Variants in ZNF331 observed in about 807,000 individuals in gnomAD.
ZNF331 encodes the protein C2H2-like zinc finger protein rearranged in thyroid adenomas.
A neutral mutation model predicts 7.0 loss-of-function variants in ZNF331; 2 were observed. The ratio of observed to expected loss-of-function variants is 0.29; its 90% CI spans 0.12 to 0.90. ZNF331 has a LOEUF of 0.90. Among genes scored for constraint, ZNF331 ranks in the 40% least tolerant of loss-of-function variants. ZNF331 has a pLI of 0.58. For synonymous variants in ZNF331, 196 were observed against 205.4 expected (o/e 0.95, Z 0.39); for missense variants, 432 against 587.7 (o/e 0.74, Z 2.74).
chr19:53,544,643 T>A (rs2088468921), intron 2 of ZNF331, among the ~76,000 whole-genome samples: 1 of 152,194 alleles, frequency 6.6e-6, no homozygotes, highest in Admixed American at 6.5e-5. Context: ...TGCTATTTTT[T>A]TCGTTGTTGA....
the ZNF331 span, among the ~76,000 whole-genome samples, chr19:53,509,892 G>A: frequency 3.3e-5 from 5 of 152,186 alleles, no homozygotes; most frequent in Admixed American, 3.3e-4. Flanking sequence ...TGGCAGAAGG[G>A]GAAGCAAGGT....
At chr19:53,559,574 C>T (rs1167306139) in intron 3 of ZNF331, among the ~76,000 whole-genome samples, 1 of 150,522 alleles carries the variant, frequency 6.6e-6, no homozygotes, top group Non-Finnish European at 1.5e-5. Context: ...CATATATACA[C>T]ACATATATAC....
At chr19:53,544,774 C>T (rs2088478642) in intron 2 of ZNF331, among the ~76,000 whole-genome samples, 7 of 151,822 alleles carry the variant, frequency 4.6e-5, no homozygotes, top group Admixed American at 4.6e-4. Context: ...TTCTCTGTCA[C>T]CCAGGCTGGA....
chr19:53,504,251 C>T, the ZNF331 span: 1 of 311,196 alleles, frequency 3.2e-6, no homozygotes, highest in Non-Finnish European at 6.3e-6. Context: ...GTGGGGACTC[C>T]TGTGTATCCA....
At chr19:53,529,542 TCG>T (rs1397626568) in intron 2 of ZNF331, among the ~76,000 whole-genome samples, 1 of 152,234 alleles carries the variant, frequency 6.6e-6, no homozygotes, top group African/African-American at 2.4e-5. Flanking sequence ...AGGATCTCTC[TCG>T]CTGTATTGTT....
chr19:53,518,826 G>C (rs983316101), upstream of ZNF331, among the ~76,000 whole-genome samples: 1 of 152,364 alleles, frequency 6.6e-6, no homozygotes. Flanking sequence ...TTCAGCAGCA[G>C]ATGCCAAGTG....
chr19:53,569,223 C>G (rs1600473036), intron 3 of ZNF331, 81 bp from the exon 4 acceptor site: 9 of 714,674 alleles, frequency 1.3e-5, no homozygotes, highest in Non-Finnish European at 1.7e-5. Flanking sequence ...GAAGCCAAGA[C>G]AGAGGAGCCA....
At position 53,577,489 on chromosome 19, in the gene ZNF331, G is replaced by A; in HGVS notation, c.929G>A (p.Arg310Gln). 1 of 1,612,738 alleles carries A rather than the reference G, an allele frequency of 6.2e-7. No individual in the cohort carries two copies. Among genetic ancestry groups the A allele is most frequent in the Non-Finnish European group, 8.5e-7 (1 of 1,178,980 alleles). The change falls in exon 6 of 6, where the codon CGA becomes CAA. Residue 310 changes from arginine (R) to glutamine (Q), a missense_variant. By Grantham distance (43) the Arg-to-Gln change is conservative. This residue lies in a region of ZNF331 where 312 missense variants were observed against 448.6 expected (regional missense o/e 0.70). Coordinates refer to ENST00000449416, the MANE Select transcript of ZNF331 (RefSeq NM_001079906.2). ...CAAGAATGTGGGAAGGCCTTTACTC[G>A]AGTCAATTACCTTACTCAGCATCAG... is the stretch of plus-strand genomic sequence containing the variant. ...ECQECGKAFT[R>Q]VNYLTQHQKI...
chr19:53,541,251 A>G (rs971196122), intron 2 of ZNF331, among the ~76,000 whole-genome samples: 1 of 151,678 alleles, frequency 6.6e-6, no homozygotes, highest in Non-Finnish European at 1.5e-5. Flanking sequence ...GATTACAGGC[A>G]TGCGCCACCA....
upstream of ZNF331, among the ~76,000 whole-genome samples, chr19:53,517,614 G>A (rs1204962016): frequency 6.6e-6 from 1 of 152,156 alleles, no homozygotes; most frequent in Non-Finnish European, 1.5e-5. Flanking sequence ...TCCCCACGCA[G>A]GTTCAAGTCT....
At chr19:53,572,684 G>A (rs973904584) in intron 5 of ZNF331, among the ~76,000 whole-genome samples, 32 of 150,600 alleles carry the variant, frequency 2.1e-4, no homozygotes, top group Admixed American at 1.1e-3. Context: ...TGCTTACTGT[G>A]TGCCATGCAC....
At chr19:53,559,743 A>ACACG (rs2089725827) in intron 3 of ZNF331, among the ~76,000 whole-genome samples, 1 of 149,826 alleles carries the variant, frequency 6.7e-6, no homozygotes, top group African/African-American at 2.5e-5. Flanking sequence ...ACACATATAC[A>ACACG]CCATACGCAC....
chr19:53,537,386 A>T (rs2087801079), upstream of ZNF331: 1 of 152,298 alleles, frequency 6.6e-6, no homozygotes, highest in Non-Finnish European at 1.5e-5. Context: ...AGAGAATTCC[A>T]GGTGACGCTC....
Position 53,566,882 on chromosome 19 carries a change from T to C in ZNF331, c.-73-2422T>C, listed in dbSNP as rs554867921. ...TTTATTTATTTTTCTACTGATATCT[T>C]AGGGTTGGTTTGTCAGCGTGTATGG... On this transcript the variant is annotated intron_variant, in intron 3 of 5. Coordinates refer to ENST00000449416, the MANE Select transcript of ZNF331 (RefSeq NM_001079906.2). Among the ~76,000 whole-genome samples, 25 of 152,226 alleles carry C rather than the reference T, an allele frequency of 1.6e-4. No homozygotes were observed. In the South Asian group the frequency reaches 5.0e-3, roughly 30 times the overall value.
chr19:53,508,084 TC>T, the ZNF331 span, among the ~76,000 whole-genome samples: 1 of 152,206 alleles, frequency 6.6e-6, no homozygotes, highest in African/African-American at 2.4e-5. Flanking sequence ...AACAGTTGCA[TC>T]CGTGATTTAG....
rs1261138565 is a variant in ZNF331 at position 53,539,212 on chromosome 19, C to G, written c.-204-4C>G. ...TGTTACCCTTCCGGTTCTGTTTTCCCCAGGCCAGCATCCTTCAGAAAAAGC... is the reference window on the plus strand; with the variant it reads ...TGTTACCCTTCCGGTTCTGTTTTCCGCAGGCCAGCATCCTTCAGAAAAAGC... On this transcript the variant is annotated splice_polypyrimidine_tract_variant and splice_region_variant and intron_variant, in intron 1 of 5. Coordinates refer to ENST00000449416, the MANE Select transcript of ZNF331 (RefSeq NM_001079906.2). The surrounding 1 kb of genome is among the most constrained non-coding windows in gnomAD (Gnocchi z 6.1). 1 of 152,154 alleles carries G rather than the reference C, an allele frequency of 6.6e-6. No individual in the cohort carries two copies. Among genetic ancestry groups the G allele is most frequent in the East Asian group, 1.9e-4 (1 of 5,188 alleles). The allele number at this position is 152,154 out of a possible 1,614,324, so 9.4% of individuals were successfully genotyped here.
chr19:53,575,772 C>T (rs1472912594), intron 5 of ZNF331, among the ~76,000 whole-genome samples: 1 of 151,874 alleles, frequency 6.6e-6, no homozygotes, highest in Non-Finnish European at 1.5e-5. Flanking sequence ...CAACTTCTGC[C>T]TCCCGGGTTC....
chr19:53,519,648 A>G (rs2086992320), upstream of ZNF331, among the ~76,000 whole-genome samples: 1 of 152,192 alleles, frequency 6.6e-6, no homozygotes, highest in Non-Finnish European at 1.5e-5. Context: ...GCCCATACCA[A>G]GGTAACACTC....
At chr19:53,569,833 G>A (rs191950002) in intron 4 of ZNF331, among the ~76,000 whole-genome samples, 1 of 152,206 alleles carries the variant, frequency 6.6e-6, no homozygotes, top group East Asian at 1.9e-4. Context: ...GAAAGGGATG[G>A]GGCTGTGATT....
Sources: gnomAD v4.1 joint callset for allele counts (sites outside exome capture counted in the v4.1 genomes callset) on GRCh38, gnomAD v4.1.1 for gene constraint, gnomAD v4.1.1 regional missense constraint, Gnocchi (gnomAD v3.1) non-coding constraint, MANE v1.5 for transcripts, NCBI Gene and HGNC (gene_info 2026-07-23, HGNC 2026-07-21) for gene names.